The following TVP23A variants were observed in gnomAD, a reference collection of about 807,000 sequenced individuals.
TVP23A encodes Golgi apparatus membrane protein TVP23 homolog A.
Under a neutral mutation model 31.7 loss-of-function variants are expected in TVP23A, and 21 were observed. The ratio of observed to expected loss-of-function variants is 0.66; its 90% confidence interval spans 0.47 to 0.95. The LOEUF is 0.95. Ranked by LOEUF, TVP23A falls within the 40% of genes least tolerant of loss-of-function variation. The probability of loss-of-function intolerance (pLI) is 0.00; values close to 1 mark genes in which losing one functional copy is unlikely to be tolerated. For synonymous variants in TVP23A, 104 were observed against 96.0 expected (o/e 1.08, Z -0.49); for missense variants, 279 against 255.6 (o/e 1.09, Z -0.62).
intron 2 of TVP23A, among the ~76,000 whole-genome samples, chr16:10,784,145 C>T (rs1264831972): frequency 6.6e-6 from 1 of 151,916 alleles, no homozygotes; most frequent in Middle Eastern, 3.2e-3. Flanking sequence ...ACCAGCCTGG[C>T]CAACATGGTG....
At chr16:10,762,001 G>C, downstream of TVP23A, 2 of 638,440 alleles carry the variant, frequency 3.1e-6, no homozygotes, top group Non-Finnish European at 5.3e-6. Context: ...CCACCCTCCA[G>C]CTGGCACCCC....
chr16:10,816,879 T>TA (rs1408710989), intron 2 of TVP23A, among the ~76,000 whole-genome samples: 4 of 136,908 alleles, frequency 2.9e-5, no homozygotes, highest in Non-Finnish European at 6.3e-5. Context: ...ACAATAATAA[T>TA]AAAAAATAAA....
At chr16:10,761,067 T>G (rs1900931983), downstream of TVP23A, 1 of 288,876 alleles carries the variant, frequency 3.5e-6, no homozygotes, top group African/African-American at 2.2e-5. Flanking sequence ...GTCAAACACT[T>G]ACAAAACCAT....
At chr16:10,762,837 G>A (rs1342906831), downstream of TVP23A, among the ~76,000 whole-genome samples, 1 of 152,158 alleles carries the variant, frequency 6.6e-6, no homozygotes, top group Non-Finnish European at 1.5e-5. Context: ...CGGGGCCCGT[G>A]GAGAGCCTGG....
intron 2 of TVP23A, among the ~76,000 whole-genome samples, chr16:10,803,764 T>C (rs1416686075): frequency 9.9e-5 from 15 of 151,918 alleles, no homozygotes; most frequent in African/African-American, 1.9e-4. Context: ...CAGGGCTGGG[T>C]AGACATTGGG....
rs1431772727 is a variant in TVP23A, at chr16:10,813,115, T to A, written c.89+4988A>T. 3.9e-5 allele frequency among the ~76,000 whole-genome samples: 6 copies of A among 152,140 alleles called. No homozygotes were observed. In the East Asian group the frequency reaches 9.6e-4, roughly 24 times the overall value. On this transcript the variant is annotated intron_variant, in intron 2 of 7. Transcript: ENST00000299866. ...AGAAAGAGCAGAGACCAGAGCTCCA[T>A]CCCCAGGGCTTAGCCCAGCACCTGC...
chr16:10,799,673 G>T (rs1330463342), intron 2 of TVP23A, among the ~76,000 whole-genome samples: 1 of 152,210 alleles, frequency 6.6e-6, no homozygotes, highest in East Asian at 1.9e-4. Context: ...ATGTTGTTGT[G>T]TTAGGTGGTT....
chr16:10,789,647 G>A (rs1256722609), intron 2 of TVP23A, among the ~76,000 whole-genome samples: 2 of 139,954 alleles, frequency 1.4e-5, no homozygotes, highest in Non-Finnish European at 3.0e-5. Flanking sequence ...TGGTCAACAC[G>A]TGAAACCCCA....
At chr16:10,776,808 C>A (rs2032056508) in intron 2 of TVP23A, among the ~76,000 whole-genome samples, 1 of 152,254 alleles carries the variant, frequency 6.6e-6, no homozygotes, top group Non-Finnish European at 1.5e-5. Context: ...ATTATTCATG[C>A]CTCCCCTTTT....
chr16:10,802,248 G>C lies in TVP23A; in HGVS notation c.89+15855C>G, dbSNP rs930660942. Among the ~76,000 whole-genome samples, 5 of 47,938 alleles carry C rather than the reference G, an allele frequency of 1.0e-4. No homozygotes were observed. The South Asian group carries it at 2.4e-3, about 23-fold the overall frequency. 31.4% of individuals were successfully genotyped at this position (47,938 alleles called of 152,430 possible). On this transcript the variant is annotated intron_variant, in intron 2 of 7. Transcript: ENST00000299866. ...CCATGAGTTTATATGATACGTGTGT[G>C]TGTGTGTGTGTGTGTGTGTGTGTGT...
At chr16:10,788,435 C>T (rs1039827555) in intron 2 of TVP23A, among the ~76,000 whole-genome samples, 5 of 151,966 alleles carry the variant, frequency 3.3e-5, no homozygotes, top group South Asian at 2.1e-4. Flanking sequence ...CCACCACACC[C>T]GGCTAATTGT....
At chr16:10,799,852 T>C (rs1324928526) in intron 2 of TVP23A, among the ~76,000 whole-genome samples, 2 of 152,018 alleles carry the variant, frequency 1.3e-5, no homozygotes, top group Non-Finnish European at 2.9e-5. Context: ...TATTAACTGA[T>C]GGACAGAAAA....
chr16:10,800,526 T>C (rs866044733), intron 2 of TVP23A, among the ~76,000 whole-genome samples: 5 of 152,214 alleles, frequency 3.3e-5, no homozygotes, highest in African/African-American at 9.6e-5. Flanking sequence ...CTAGAAACTA[T>C]GGACATCAGT....
chr16:10,807,902 G>A (rs1359914432), intron 2 of TVP23A, among the ~76,000 whole-genome samples: 2 of 152,108 alleles, frequency 1.3e-5, no homozygotes, highest in Non-Finnish European at 2.9e-5. Flanking sequence ...TTTTAGAGGT[G>A]GGTTCTTGCT....
Position 10,768,303 on chromosome 16 carries a change from A to C in TVP23A, c.*799T>G. 4.6e-6 allele frequency: 1 copy of C among 218,336 alleles called. No individual in the cohort carries two copies. The highest frequency in any genetic ancestry group is 8.5e-6 in the Non-Finnish European group (1 of 116,976). 13.5% of individuals were successfully genotyped at this position (218,336 alleles called of 1,614,324 possible). Reference sequence around the variant, plus strand: ...ATAAAGTAATTCATTTTTAAAAGTAACTGATAAAAAAAAAAAAGGCCAGGT... The same window carrying C: ...ATAAAGTAATTCATTTTTAAAAGTACCTGATAAAAAAAAAAAAGGCCAGGT... On this transcript the variant is annotated 3_prime_UTR_variant, in exon 8 of 8. Coordinates refer to ENST00000299866, the MANE Select transcript of TVP23A (RefSeq NM_001079512.4). The surrounding 1 kb of genome is among the most constrained non-coding windows in gnomAD (Gnocchi z 4.3).
chr16:10,770,310 T>C lies in TVP23A; in HGVS notation c.604A>G (p.Lys202Glu). 1 of 1,551,250 alleles carries C rather than the reference T, an allele frequency of 6.4e-7. No homozygotes were observed. Among genetic ancestry groups the C allele is most frequent in the Non-Finnish European group, 8.7e-7 (1 of 1,146,988 alleles). Residue 202 changes from lysine (K) to glutamate (E), a missense_variant, in exon 7 of 8, where the codon AAG becomes GAG. Physicochemically the swap from Lys to Glu is moderately conservative, Grantham distance 56. Transcript: ENST00000299866. ...ATCTCCAGCCCCTCGAGGCCAGGCT[T>C]CTGAAAGTCACCTGGGCAGGCCTGC... ...FQTACPGDFQKPGLEGLEIHQ... is the reference protein window; with the variant it reads ...FQTACPGDFQEPGLEGLEIHQ...
intron 7 of TVP23A, 105 bp from the exon 8 acceptor site, chr16:10,769,206 C>A: frequency 2.0e-6 from 2 of 1,001,212 alleles, no homozygotes; most frequent in Non-Finnish European, 3.1e-6. Flanking sequence ...TGGGTCACAG[C>A]AAAAGGACCA....
downstream of TVP23A, among the ~76,000 whole-genome samples, chr16:10,764,679 G>A (rs572052560): frequency 6.6e-6 from 1 of 151,426 alleles, no homozygotes; most frequent in East Asian, 1.9e-4. Context: ...ATCTCAGTCT[G>A]CTGGAGTAGG....
Position 10,767,515 on chromosome 16 carries a change from C to T in TVP23A, c.*1587G>A, listed in dbSNP as rs1324245214. On this transcript the variant is annotated 3_prime_UTR_variant, in exon 8 of 8. Coordinates refer to ENST00000299866, the MANE Select transcript of TVP23A (RefSeq NM_001079512.4). The surrounding 1 kb of genome is among the most constrained non-coding windows in gnomAD (Gnocchi z 4.6). ...ACATGCAAGTGTGCACATTTATATG[C>T]GCATAATCTTTCTGGAAAGACACCT... 12 of 437,356 alleles carry T rather than the reference C, an allele frequency of 2.7e-5. No individual in the cohort carries two copies. The highest frequency in any genetic ancestry group is 1.0e-4 in the East Asian group (3 of 30,010). 27.1% of individuals were successfully genotyped at this position (437,356 alleles called of 1,614,324 possible). A position where few individuals can be genotyped will look rare whatever the true frequency, so the allele number is the denominator to read the frequency against.
Sources: gnomAD v4.1 joint callset for allele counts (sites outside exome capture counted in the v4.1 genomes callset) on GRCh38, gnomAD v4.1.1 for gene constraint, Gnocchi (gnomAD v3.1) non-coding constraint, MANE v1.5 for transcripts, NCBI Gene and HGNC (gene_info 2026-07-23, HGNC 2026-07-21) for gene names.